The following TMEM74 variants were observed in gnomAD, a reference collection of about 807,000 sequenced individuals.
TMEM74 encodes transmembrane protein 74.
In TMEM74, 13 loss-of-function variants were observed where a neutral mutation model predicts 18.1. That is an observed-to-expected ratio of 0.72 (90% CI 0.47 to 1.14). TMEM74 has a LOEUF of 1.14. Among genes scored for constraint, TMEM74 ranks in the 50% most tolerant of loss-of-function variants. The probability of loss-of-function intolerance (pLI) is 0.00; values close to 1 mark genes in which losing one functional copy is unlikely to be tolerated. For missense variants in TMEM74, 372 were observed against 375.9 expected (o/e 0.99, Z 0.09); for synonymous variants, 159 against 146.6 (o/e 1.08, Z -0.61).
intron 1 of TMEM74, among the ~76,000 whole-genome samples, chr8:108,688,525 G>T (rs1390774646): frequency 6.6e-6 from 1 of 152,168 alleles, no homozygotes; most frequent in Non-Finnish European, 1.5e-5. Flanking sequence ...TTAGGCAAAA[G>T]GTCAAGAACT....
intron 1 of TMEM74, among the ~76,000 whole-genome samples, chr8:108,758,839 T>C (rs1030418298): frequency 1.3e-5 from 2 of 152,054 alleles, no homozygotes; most frequent in Non-Finnish European, 2.9e-5. Flanking sequence ...CCATTTACAA[T>C]GGGTACTGCG....
chr8:108,620,395 C>T (rs1271930649), intron 2 of TMEM74, among the ~76,000 whole-genome samples: 1 of 152,038 alleles, frequency 6.6e-6, no homozygotes, highest in Non-Finnish European at 1.5e-5. Context: ...GCTATTTCTC[C>T]GTGGGGTGGA....
intron 1 of TMEM74, among the ~76,000 whole-genome samples, chr8:108,726,096 T>C (rs551015381): frequency 2.6e-5 from 4 of 152,324 alleles, no homozygotes; most frequent in Admixed American, 1.3e-4. Context: ...GCCTGCTTCT[T>C]GTGGCTCAAC....
chr8:108,679,635 T>C (rs1274970721), intron 1 of TMEM74, among the ~76,000 whole-genome samples: 1 of 152,190 alleles, frequency 6.6e-6, no homozygotes, highest in Non-Finnish European at 1.5e-5. Flanking sequence ...TCATTGTAGA[T>C]TCTGGATATT....
intron 1 of TMEM74, among the ~76,000 whole-genome samples, chr8:108,691,522 T>A (rs1479197096): frequency 6.6e-6 from 1 of 152,242 alleles, no homozygotes; most frequent in Non-Finnish European, 1.5e-5. Flanking sequence ...ATAAGTATTA[T>A]AAACTGGAAA....
chr8:108,694,974 T>A (rs1375246010), intron 1 of TMEM74, among the ~76,000 whole-genome samples: 2 of 152,140 alleles, frequency 1.3e-5, no homozygotes, highest in African/African-American at 4.8e-5. Context: ...CCAACTTTCA[T>A]GATGAGAGTT....
rs184135493 is a variant in TMEM74 at position 108,761,230 on chromosome 8, C to G, written n.119+26246G>C. Among the ~76,000 whole-genome samples the G allele has an allele frequency of 3.3e-5, 5 of 152,134 alleles. No homozygotes were observed. The East Asian group carries it at 9.7e-4, about 30-fold the overall frequency. On this transcript the variant is annotated intron_variant and non_coding_transcript_variant, in intron 1 of 3. Transcript: ENST00000518838. ...GTTTCAGGAGTCAGGAACGTGGGCT[C>G]TATCCAGGATTATCCACTTACTTGA...
chr8:108,715,190 A>G (rs1015816101), intron 1 of TMEM74, among the ~76,000 whole-genome samples: 1 of 152,034 alleles, frequency 6.6e-6, no homozygotes, highest in Admixed American at 6.6e-5. Flanking sequence ...AGTGATTTAT[A>G]TCATATAACA....
chr8:108,684,393 T>C (rs2130601730), intron 1 of TMEM74, among the ~76,000 whole-genome samples: 1 of 152,182 alleles, frequency 6.6e-6, no homozygotes, highest in Admixed American at 6.5e-5. Flanking sequence ...AACCCATTTA[T>C]ATGTCTTCTT....
At chr8:108,733,325 T>C (rs1407425427) in intron 1 of TMEM74, among the ~76,000 whole-genome samples, 2 of 152,112 alleles carry the variant, frequency 1.3e-5, no homozygotes, top group African/African-American at 4.8e-5. Context: ...TTAAAATAAA[T>C]GGACTACTGA....
chr8:108,663,211 C>T (rs187942129), intron 1 of TMEM74, among the ~76,000 whole-genome samples: 1 of 152,072 alleles, frequency 6.6e-6, no homozygotes. Flanking sequence ...AGGTCTAATA[C>T]TTAAAGGTCT....
At chr8:108,742,943 A>G (rs552171279) in intron 1 of TMEM74, among the ~76,000 whole-genome samples, 1 of 152,364 alleles carries the variant, frequency 6.6e-6, no homozygotes, top group South Asian at 2.1e-4. Context: ...AAAGCCGTAA[A>G]TCAATAGAGA....
chr8:108,728,261 A>G (rs1813661017), intron 1 of TMEM74, among the ~76,000 whole-genome samples: 1 of 152,194 alleles, frequency 6.6e-6, no homozygotes, highest in African/African-American at 2.4e-5. Context: ...ATGATCCGGA[A>G]GAGTGTAAAG....
intron 1 of TMEM74, among the ~76,000 whole-genome samples, chr8:108,683,292 C>T (rs984691789): frequency 1.3e-5 from 2 of 151,548 alleles, no homozygotes; most frequent in African/African-American, 2.4e-5. Context: ...AATTGAGCTG[C>T]ATAATCCTGT....
At position 108,632,838 on chromosome 8, in the gene TMEM74, G is replaced by A. The variant is rs1389838542; in HGVS notation, n.264+22455C>T. Among the ~76,000 whole-genome samples the A allele has an allele frequency of 7.9e-5, 12 of 152,010 alleles. No homozygotes were observed. The East Asian group carries it at 2.3e-3, about 29-fold the overall frequency. On this transcript the variant is annotated intron_variant and non_coding_transcript_variant, in intron 2 of 3. Transcript: ENST00000518838. ...TTTCCTTATTGACAAAATGAGAGTT[G>A]GACCAGGATCACTCTCAGTTCTAAA...
intron 1 of TMEM74, among the ~76,000 whole-genome samples, chr8:108,756,809 G>A (rs965942000): frequency 2.0e-5 from 3 of 150,472 alleles, no homozygotes; most frequent in African/African-American, 7.3e-5. Flanking sequence ...AGGAAGGAAG[G>A]AAGGAAGGAA....
chr8:108,627,883 T>C (rs973628676), intron 2 of TMEM74, among the ~76,000 whole-genome samples: 1 of 151,866 alleles, frequency 6.6e-6, no homozygotes, highest in African/African-American at 2.4e-5. Context: ...TGAAACCTCG[T>C]CTCTTCTAAA....
chr8:108,650,666 T>A (rs1307949385), intron 2 of TMEM74, among the ~76,000 whole-genome samples: 1 of 152,080 alleles, frequency 6.6e-6, no homozygotes, highest in South Asian at 2.1e-4. Flanking sequence ...TACTTTGGAT[T>A]GTTGCTTGAA....
chr8:108,657,788 A>G (rs1420327588), intron 1 of TMEM74, among the ~76,000 whole-genome samples: 1 of 139,772 alleles, frequency 7.2e-6, no homozygotes, highest in African/African-American at 2.7e-5. Context: ...GGTTGCAGTG[A>G]GCTGAGATCG....
Sources: gnomAD v4.1 joint callset for allele counts (sites outside exome capture counted in the v4.1 genomes callset) on GRCh38, gnomAD v4.1.1 for gene constraint, MANE v1.5 for transcripts, NCBI Gene and HGNC (gene_info 2026-07-23, HGNC 2026-07-21) for gene names.